The following FBXO10 variants were observed in gnomAD, a reference collection of about 807,000 sequenced individuals.
The protein encoded by FBXO10 is F-box only protein 10.
FBXO10 carries 39 observed loss-of-function variants against 80.7 expected under a neutral mutation model. The ratio of observed to expected loss-of-function variants is 0.48; its 90% confidence interval spans 0.37 to 0.63. The LOEUF (loss-of-function observed/expected upper bound fraction) is 0.63. FBXO10 is among the 30% of genes least tolerant of loss of function. FBXO10 has a pLI of 0.00. For missense variants in FBXO10, 1,025 were observed against 1,269.0 expected (o/e 0.81, Z 2.92); for synonymous variants, 449 against 489.6 (o/e 0.92, Z 1.09).
chr9:37,529,889 G>A (rs1821575284), intron 4 of FBXO10, among the ~76,000 whole-genome samples: 1 of 150,960 alleles, frequency 6.6e-6, no homozygotes, highest in Non-Finnish European at 1.5e-5. Context: ...GCCCAGGCTG[G>A]TCTTGAACTC....
At chr9:37,569,680 T>C (rs548500905) in intron 1 of FBXO10, among the ~76,000 whole-genome samples, 26 of 152,364 alleles carry the variant, frequency 1.7e-4, no homozygotes, top group African/African-American at 6.0e-4. Flanking sequence ...ATTAAAATTA[T>C]ACAGCTTCGA....
At chr9:37,564,406 GAGA>G (rs1822555971) in intron 1 of FBXO10, among the ~76,000 whole-genome samples, 1 of 152,184 alleles carries the variant, frequency 6.6e-6, no homozygotes, top group African/African-American at 2.4e-5. Flanking sequence ...GTGGAGCTGT[GAGA>G]AGAAGGTCAC....
At chr9:37,562,638 T>C (rs545894705) in intron 1 of FBXO10, among the ~76,000 whole-genome samples, 1 of 152,344 alleles carries the variant, frequency 6.6e-6, no homozygotes, top group South Asian at 2.1e-4. Context: ...TGCTCAACAA[T>C]CATTTACTGA....
Position 37,527,102 on chromosome 9 carries a change from C to T in FBXO10, c.1707-1930G>A, listed in dbSNP as rs1014198858. 2.0e-5 allele frequency among the ~76,000 whole-genome samples: 3 copies of T among 152,238 alleles called. No homozygotes were observed. In the East Asian group the frequency reaches 5.8e-4, roughly 29 times the overall value. ...CTGACCTCAAGTGATCTGCCCGCCTCGGCCTCCCAAAGTGTTGGGATTACA... is the reference window on the plus strand; with the variant it reads ...CTGACCTCAAGTGATCTGCCCGCCTTGGCCTCCCAAAGTGTTGGGATTACA... On this transcript the variant is annotated intron_variant, in intron 5 of 10. Transcript: ENST00000432825.
chr9:37,524,523 C>T (rs972214343), intron 6 of FBXO10, among the ~76,000 whole-genome samples: 1 of 152,186 alleles, frequency 6.6e-6, no homozygotes, highest in African/African-American at 2.4e-5. Context: ...AGGCCTGGCT[C>T]TGCTCTGTGC....
rs1821923911 is a variant in FBXO10, at chr9:37,541,653, CTG to C, written c.114_115del (p.Leu40ArgfsTer29). 6.2e-7 allele frequency: 1 copy of C among 1,613,960 alleles called. No individual in the cohort carries two copies. The highest frequency in any genetic ancestry group is 8.5e-7 in the Non-Finnish European group (1 of 1,179,890). On this transcript the variant is annotated frameshift_variant, in exon 2 of 11. Coordinates refer to ENST00000432825, the MANE Select transcript of FBXO10 (RefSeq NM_012166.3). LOFTEE classifies it high-confidence loss of function. Reference sequence around the variant, plus strand: ...CTGCCGCCAGCGGGTGCTGTCGAGACTGAGGATCAGTTCATACCAGGCCCTGC... The same window carrying C: ...CTGCCGCCAGCGGGTGCTGTCGAGACAGGATCAGTTCATACCAGGCCCTGC...
In FBXO10 at chr9:37,540,267, A is replaced by G. The variant is rs192789127; in HGVS notation, c.585+917T>C. Among the ~76,000 whole-genome samples the G allele has an allele frequency of 1.2e-4, 18 of 151,948 alleles. No homozygotes were observed. The East Asian group carries it at 3.5e-3, about 29-fold the overall frequency. On this transcript the variant is annotated intron_variant, in intron 2 of 10. Transcript: ENST00000432825. ...CGATGGCACCATCTCAGCTCACTGC[A>G]ACCTCCGCCTCCCGGGTTCAAGCGA...
rs756123745 is a variant in FBXO10, at chr9:37,525,180, G to C, written c.1707-8C>G. 1.9e-6 allele frequency: 3 copies of C among 1,558,748 alleles called. No individual in the cohort carries two copies. The African/African-American group carries it at 4.1e-5, about 21-fold the overall frequency. Reference sequence around the variant, plus strand: ...TTGAAGATGTGGTTCCCGCTAAAGTGGAAGGAAAACAAAACAAAGAGGTGA... The same window carrying C: ...TTGAAGATGTGGTTCCCGCTAAAGTCGAAGGAAAACAAAACAAAGAGGTGA... On this transcript the variant is annotated splice_polypyrimidine_tract_variant and splice_region_variant and intron_variant, in intron 5 of 10. Coordinates refer to ENST00000432825, the MANE Select transcript of FBXO10 (RefSeq NM_012166.3).
chr9:37,542,920 G>A (rs1482081097), intron 1 of FBXO10, among the ~76,000 whole-genome samples: 1 of 152,206 alleles, frequency 6.6e-6, no homozygotes, highest in Non-Finnish European at 1.5e-5. Context: ...ACCTTTGGCT[G>A]TTAGGGTCCT....
In FBXO10 at chr9:37,525,091, C is replaced by G; in HGVS notation, c.1777+11G>C. On this transcript the variant is annotated intron_variant, in intron 6 of 10. Transcript: ENST00000432825. The stretch of plus-strand genomic sequence containing the variant: ...CCTGGCTGCCAGGTGCCAGGCAGTT[C>G]CCATCCGTACCTGTGATGAGGCCTT... 1 of 1,556,570 alleles carries G rather than the reference C, an allele frequency of 6.4e-7. No individual in the cohort carries two copies. Among genetic ancestry groups the G allele is most frequent in the Non-Finnish European group, 8.7e-7 (1 of 1,149,960 alleles).
intron 8 of FBXO10, among the ~76,000 whole-genome samples, chr9:37,519,453 G>A (rs928535686): frequency 1.9e-4 from 19 of 99,388 alleles, no homozygotes; most frequent in Non-Finnish European, 3.6e-4. Flanking sequence ...AGGGCTCTGC[G>A]GTAGGTCCCT....
chr9:37,545,618 T>G (rs1190868145), intron 1 of FBXO10, among the ~76,000 whole-genome samples: 3 of 152,210 alleles, frequency 2.0e-5, no homozygotes, highest in African/African-American at 7.2e-5. Flanking sequence ...CCAATCATCT[T>G]TCTAGCTCCA....
intron 1 of FBXO10, among the ~76,000 whole-genome samples, chr9:37,546,857 T>C (rs111557770): frequency 5.3e-5 from 8 of 152,150 alleles, no homozygotes; most frequent in African/African-American, 1.7e-4. Context: ...ATTTTTGTAT[T>C]TTTAGTAGAG....
At chr9:37,535,228 G>A (rs998806848) in intron 3 of FBXO10, among the ~76,000 whole-genome samples, 2 of 152,134 alleles carry the variant, frequency 1.3e-5, no homozygotes, top group African/African-American at 2.4e-5. Flanking sequence ...AAGAAGAGGT[G>A]TGCCCATTTC....
At chr9:37,544,110 T>C (rs1588845100) in intron 1 of FBXO10, among the ~76,000 whole-genome samples, 1 of 152,244 alleles carries the variant, frequency 6.6e-6, no homozygotes, top group Non-Finnish European at 1.5e-5. Flanking sequence ...CTACTAAAAA[T>C]ACAAAAAAAT....
chr9:37,560,454 T>C (rs1822449177), intron 1 of FBXO10, among the ~76,000 whole-genome samples: 1 of 152,060 alleles, frequency 6.6e-6, no homozygotes, highest in South Asian at 2.1e-4. Flanking sequence ...CCCCCAAACT[T>C]GCCTGTGTAC....
At chr9:37,530,650 C>G (rs1821597385) in intron 4 of FBXO10, among the ~76,000 whole-genome samples, 1 of 152,116 alleles carries the variant, frequency 6.6e-6, no homozygotes, top group African/African-American at 2.4e-5. Flanking sequence ...GGGTCTCGCT[C>G]TGTTGCCCAG....
intron 1 of FBXO10, among the ~76,000 whole-genome samples, chr9:37,559,176 C>G (rs899608753): frequency 1.3e-5 from 2 of 152,180 alleles, no homozygotes; most frequent in African/African-American, 4.8e-5. Flanking sequence ...AATCGTGGCT[C>G]TTCAGTCATC....
At chr9:37,561,160 A>C (rs1050952010) in intron 1 of FBXO10, among the ~76,000 whole-genome samples, 11 of 149,780 alleles carry the variant, frequency 7.3e-5, no homozygotes, top group Admixed American at 3.3e-4. Context: ...AAAACAAAAC[A>C]AAACAAAATC....
Sources: gnomAD v4.1 joint callset for allele counts (sites outside exome capture counted in the v4.1 genomes callset) on GRCh38, gnomAD v4.1.1 for gene constraint, MANE v1.5 for transcripts, NCBI Gene and HGNC (gene_info 2026-07-23, HGNC 2026-07-21) for gene names.